The following HYDIN variants were observed in gnomAD, a reference collection of about 807,000 sequenced individuals.
HYDIN encodes the protein axonemal central pair apparatus protein HYDIN.
In HYDIN, 132 loss-of-function variants were observed where a neutral mutation model predicts 403.9. The observed-to-expected ratio is 0.33, with a 90% CI of 0.28 to 0.38. The LOEUF (loss-of-function observed/expected upper bound fraction) is 0.38. HYDIN is among the 10% of genes least tolerant of loss of function. HYDIN has a pLI of 1.00. For synonymous variants in HYDIN, 1,202 were observed against 1,891.7 expected (o/e 0.64, Z 9.46); for missense variants, 2,827 against 5,009.5 (o/e 0.56, Z 13.15).
At chr16:71,211,641 CAAA>C (rs548855002) in intron 1 of HYDIN, among the ~76,000 whole-genome samples, 3 of 50,002 alleles carry the variant, frequency 6.0e-5, no homozygotes, top group Admixed American at 4.5e-4. Context: ...GACTCCATCT[CAAA>C]AAAAAAAAAA....
At chr16:70,917,028 TCCTCCCACCTCAG>T (rs1422798494) in intron 47 of HYDIN, among the ~76,000 whole-genome samples, 1 of 152,126 alleles carries the variant, frequency 6.6e-6, no homozygotes, top group East Asian at 1.9e-4. Context: ...GCTCAAGCGA[TCCTCCCACCTCAG>T]CCTCCTGAGT....
chr16:70,958,503 C>G (rs1477469081), intron 39 of HYDIN, among the ~76,000 whole-genome samples: 6 of 151,492 alleles, frequency 4.0e-5, no homozygotes, highest in Admixed American at 6.6e-5. Context: ...CATCAACCAT[C>G]CTTCTGACAT....
rs754853988 is a variant in HYDIN at position 71,067,274 on chromosome 16, A to G, written c.2075+16T>C. 1.9e-6 allele frequency: 3 copies of G among 1,573,484 alleles called. No homozygotes were observed. The highest frequency in any genetic ancestry group is 2.2e-5 in the South Asian group (2 of 89,096). Reference sequence around the variant, plus strand: ...TCGGGGGCGACTCAGGAGAAGAGCAAGCTGGGGAGCAATACCTTGCTGTAA... The same window carrying G: ...TCGGGGGCGACTCAGGAGAAGAGCAGGCTGGGGAGCAATACCTTGCTGTAA... On this transcript the variant is annotated intron_variant, in intron 15 of 85. Coordinates refer to ENST00000393567, the MANE Select transcript of HYDIN (RefSeq NM_001270974.2).
chr16:70,945,271 A>G (rs1379824741), intron 41 of HYDIN, among the ~76,000 whole-genome samples: 1 of 152,210 alleles, frequency 6.6e-6, no homozygotes, highest in African/African-American at 2.4e-5. Context: ...AGAGTCACCA[A>G]AACATGATTC....
chr16:71,069,612 C>T (rs1041148938), intron 13 of HYDIN, 110 bp from the exon 14 acceptor site: 5 of 648,376 alleles, frequency 7.7e-6, no homozygotes, highest in African/African-American at 7.3e-5. Context: ...CTGTGCTATT[C>T]ATTACTACTT....
chr16:70,876,239 G>A (rs1438685827), intron 62 of HYDIN, among the ~76,000 whole-genome samples: 6 of 147,460 alleles, frequency 4.1e-5, no homozygotes, highest in Middle Eastern at 3.4e-3. Flanking sequence ...AGGCCGGAGC[G>A]CAGTGGTGAA....
intron 8 of HYDIN, among the ~76,000 whole-genome samples, chr16:71,135,725 G>A (rs3114634): frequency 0.32 from 48,951 of 151,616 alleles, 9,541 homozygotes; most frequent in Non-Finnish European, 0.43. Flanking sequence ...TTTTCCTTGT[G>A]CCTTTTAAAA....
intron 53 of HYDIN, among the ~76,000 whole-genome samples, chr16:70,898,798 C>T (rs776969392): frequency 3.7e-4 from 56 of 149,928 alleles, no homozygotes; most frequent in Admixed American, 6.0e-4. Flanking sequence ...GGCTGGAGTG[C>T]AGTGGTGCGA....
At chr16:71,138,849 C>T (rs1220672597) in intron 7 of HYDIN, among the ~76,000 whole-genome samples, 4 of 152,104 alleles carry the variant, frequency 2.6e-5, no homozygotes, top group Admixed American at 1.3e-4. Context: ...TTCGGGAGGC[C>T]GAGGCAGGCA....
chr16:71,033,157 A>G (rs2080972773), intron 18 of HYDIN, among the ~76,000 whole-genome samples: 1 of 151,994 alleles, frequency 6.6e-6, no homozygotes, highest in Non-Finnish European at 1.5e-5. Flanking sequence ...CAATGACATT[A>G]GTGAGACCAA....
intron 1 of HYDIN, among the ~76,000 whole-genome samples, chr16:71,227,163 G>GTATA (rs57338937): frequency 1.9e-4 from 29 of 149,428 alleles, no homozygotes; most frequent in Admixed American, 6.7e-4. Flanking sequence ...GTGTGTGTGT[G>GTATA]TATATATATA....
At chr16:71,210,554 G>A (rs1273103563) in intron 1 of HYDIN, among the ~76,000 whole-genome samples, 1 of 152,008 alleles carries the variant, frequency 6.6e-6, no homozygotes. Flanking sequence ...AAGCTTTCAG[G>A]TACTATGCTT....
At chr16:71,132,066 C>A in intron 8 of HYDIN, 1 of 119,500 alleles carries the variant, frequency 8.4e-6, no homozygotes, top group African/African-American at 3.3e-5. Flanking sequence ...TTAGACATAC[C>A]AAAATATTGA....
chr16:71,045,490 A>G (rs992155584), intron 18 of HYDIN, among the ~76,000 whole-genome samples: 15 of 152,076 alleles, frequency 9.9e-5, no homozygotes, highest in Non-Finnish European at 1.5e-4. Flanking sequence ...AGTATATCTA[A>G]TTCATATTGT....
rs768819284 is a variant in HYDIN, at chr16:71,152,755, T to C, written c.745A>G (p.Thr249Ala). The change falls in exon 7 of 86, where the codon ACT becomes GCT. Residue 249 changes from threonine to alanine, a missense_variant. Thr to Ala is a moderately conservative substitution (Grantham distance 58, BLOSUM62 0). Coordinates refer to ENST00000393567, the MANE Select transcript of HYDIN (RefSeq NM_001270974.2). ...TGCATGGACTCTCCCACATTAAGAG[T>C]TCCAATAGCTGGTTCTATAGAGAAA... ...RPFSIEPAIG[T>A]LNVGESMQLE... The C allele has an allele frequency of 1.0e-5, 14 of 1,373,334 alleles. No homozygotes were observed. The African/African-American group carries it at 1.9e-4, about 18-fold the overall frequency. The allele number at this position is 1,373,334 out of a possible 1,614,324, so 85.1% of individuals were successfully genotyped here.
At chr16:71,206,176 T>C (rs1361824455) in intron 1 of HYDIN, among the ~76,000 whole-genome samples, 2 of 152,150 alleles carry the variant, frequency 1.3e-5, no homozygotes, top group African/African-American at 4.8e-5. Flanking sequence ...CAACCCTGTG[T>C]TTCCCCAGGA....
At position 70,833,872 on chromosome 16, in the gene HYDIN, A is replaced by C. The variant is rs756459434; in HGVS notation, c.13679+15T>G. The C allele has an allele frequency of 6.3e-7, 1 of 1,599,986 alleles. No homozygotes were observed. The highest frequency in any genetic ancestry group is 1.3e-5 in the African/African-American group (1 of 74,616). Reference sequence around the variant, plus strand: ...CTCTGGGGCAGCCTCAGGGTGGGAGACACTGCTCCCTTACCTTGCACCCAC... The same window carrying C: ...CTCTGGGGCAGCCTCAGGGTGGGAGCCACTGCTCCCTTACCTTGCACCCAC... On this transcript the variant is annotated intron_variant, in intron 79 of 85. Transcript: ENST00000393567.
chr16:71,004,315 A>C (rs1403622304), intron 23 of HYDIN, among the ~76,000 whole-genome samples: 1 of 61,812 alleles, frequency 1.6e-5, no homozygotes, highest in African/African-American at 4.1e-4. Context: ...ACTCCATTTC[A>C]AAAAAAAAAA....
chr16:70,967,164 C>G (rs187851329), intron 36 of HYDIN, among the ~76,000 whole-genome samples: 1 of 152,118 alleles, frequency 6.6e-6, no homozygotes, highest in East Asian at 1.9e-4. Flanking sequence ...GGTAGGGCAG[C>G]AGGGTGGGAG....
Sources: allele counts gnomAD v4.1 joint callset (sites outside exome capture counted in the v4.1 genomes callset), GRCh38; gene constraint gnomAD v4.1.1; transcripts MANE v1.5; gene names NCBI Gene and HGNC (gene_info 2026-07-23, HGNC 2026-07-21).